The following ZNF91 variants were observed in gnomAD, a reference collection of about 807,000 sequenced individuals.
The protein encoded by ZNF91 is zinc finger protein 91 (HPF7, HTF10).
A neutral mutation model predicts 12.6 loss-of-function variants in ZNF91; 7 were observed. The ratio of observed to expected loss-of-function variants is 0.55; its 90% CI spans 0.31 to 1.04. The LOEUF is 1.04. ZNF91 is among the 50% of genes least tolerant of loss of function. The probability of loss-of-function intolerance (pLI) is 0.05; values close to 1 mark genes in which losing one functional copy is unlikely to be tolerated. For missense variants in ZNF91, 1,217 were observed against 1,385.4 expected, an observed-to-expected ratio of 0.88 and a Z score of 1.93; for synonymous variants, 453 against 462.6, an observed-to-expected ratio of 0.98 and a Z score of 0.27.
chr19:23,358,853 T>C lies in ZNF91; in HGVS notation c.*550A>G. 1 of 171,440 alleles carries C rather than the reference T, an allele frequency of 5.8e-6. No homozygotes were observed. The allele number at this position is 171,440 out of a possible 1,614,324, so 10.6% of individuals were successfully genotyped here. A position where few individuals can be genotyped will look rare whatever the true frequency, so the allele number is the denominator to read the frequency against. Reference sequence around the variant, plus strand: ...GACTTGTCAAAAGCGTTGGCACATCTTTCAGGTTTGTAGAGTTTCTCTCCA... The same window carrying C: ...GACTTGTCAAAAGCGTTGGCACATCCTTCAGGTTTGTAGAGTTTCTCTCCA... On this transcript the variant is annotated 3_prime_UTR_variant, in exon 4 of 4. Coordinates refer to ENST00000300619, the MANE Select transcript of ZNF91 (RefSeq NM_003430.4).
At chr19:23,338,869 T>C (rs928497367) in exon 4 of ZNF91, 11 of 152,104 alleles carry the variant, frequency 7.2e-5, no homozygotes, top group African/African-American at 2.7e-4. Flanking sequence ...CTGGTGAATA[T>C]GATGAAACCC....
At position 23,361,456 on chromosome 19, in the gene ZNF91, T is replaced by C. The variant is rs999731780; in HGVS notation, c.1523A>G (p.His508Arg). 3 of 1,613,476 alleles carry C rather than the reference T, an allele frequency of 1.9e-6. No homozygotes were observed. The highest frequency in any genetic ancestry group is 2.2e-5 in the East Asian group (1 of 44,828). ...AFRQSSTLTKHKIIHTGEKPY... is the reference protein window; with the variant it reads ...AFRQSSTLTKRKIIHTGEKPY... ...TTTCTCTCCAGTATGAATTATCTTA[T>C]GTTTAGTAAGGGTTGAGGATTGCCT... Residue 508 changes from histidine (H) to arginine (R), a missense_variant, in exon 4 of 4, where the codon CAT becomes CGT. By Grantham distance (29) the His-to-Arg change is conservative. Around this residue, in one of 2 missense-constraint regions of ZNF91, gnomAD observed 726 missense variants for 895.5 expected, o/e 0.81. Coordinates refer to ENST00000300619, the MANE Select transcript of ZNF91 (RefSeq NM_003430.4).
At chr19:23,369,706 C>A (rs959435611) in intron 3 of ZNF91, among the ~76,000 whole-genome samples, 2 of 151,750 alleles carry the variant, frequency 1.3e-5, no homozygotes, top group Non-Finnish European at 2.9e-5. Context: ...TGACCTTACC[C>A]CCAACCCTGT....
chr19:23,384,763 C>CA (rs1179325108), intron 1 of ZNF91: 7 of 636,342 alleles, frequency 1.1e-5, no homozygotes, highest in African/African-American at 9.1e-5. Flanking sequence ...GGGTCAGCTC[C>CA]CCGGGCATAG....
intron 3 of ZNF91, among the ~76,000 whole-genome samples, chr19:23,342,783 T>G (rs1968151352): frequency 6.6e-6 from 1 of 152,008 alleles, no homozygotes; most frequent in Middle Eastern, 3.4e-3. Flanking sequence ...AGACCAGGTT[T>G]CTATAGTTCT....
intron 3 of ZNF91, among the ~76,000 whole-genome samples, chr19:23,367,816 A>C (rs935536485): frequency 2.8e-4 from 42 of 152,222 alleles, no homozygotes; most frequent in Admixed American, 2.6e-3. Context: ...TTAGAAACTG[A>C]ATATCCATTC....
intron 1 of ZNF91, among the ~76,000 whole-genome samples, chr19:23,316,312 T>C (rs1309531491): frequency 6.6e-6 from 1 of 152,170 alleles, no homozygotes; most frequent in Admixed American, 6.5e-5. Flanking sequence ...ACCTAAGAGA[T>C]GTGGCTGTCT....
intron 1 of ZNF91, among the ~76,000 whole-genome samples, chr19:23,388,866 C>A (rs35477544): frequency 1.3e-5 from 2 of 151,590 alleles, no homozygotes; most frequent in Non-Finnish European, 2.9e-5. Context: ...AGAGTGAAAC[C>A]ATCTTTTAAA....
At position 23,359,037 on chromosome 19, in the gene ZNF91, T is replaced by C. The variant is rs533978001; in HGVS notation, c.*366A>G. 22 of 531,102 alleles carry C rather than the reference T, an allele frequency of 4.1e-5. No individual in the cohort carries two copies. Among genetic ancestry groups the C allele is most frequent in the African/African-American group, 2.3e-4 (12 of 51,854 alleles). 32.9% of individuals were successfully genotyped at this position (531,102 alleles called of 1,614,324 possible). A position where few individuals can be genotyped will look rare whatever the true frequency, so the allele number is the denominator to read the frequency against. On this transcript the variant is annotated 3_prime_UTR_variant, in exon 4 of 4. Transcript: ENST00000300619. Reference sequence around the variant, plus strand: ...TGCCAAATTTTTCCTGTTTGTAGGGTTGCTGTCCAGTATGAATTTTCTTAT... The same window carrying C: ...TGCCAAATTTTTCCTGTTTGTAGGGCTGCTGTCCAGTATGAATTTTCTTAT...
intron 3 of ZNF91, among the ~76,000 whole-genome samples, chr19:23,367,125 C>T (rs1453756656): frequency 1.3e-5 from 2 of 152,136 alleles, no homozygotes; most frequent in African/African-American, 4.8e-5. Context: ...AGACCCTATC[C>T]CTACAAAATA....
intron 1 of ZNF91, among the ~76,000 whole-genome samples, chr19:23,391,494 G>GA (rs58534200): frequency 6.6e-6 from 1 of 151,680 alleles, no homozygotes; most frequent in Non-Finnish European, 1.5e-5. Flanking sequence ...TTTTCCCTAG[G>GA]AAAAAAAGCC....
At chr19:23,386,028 C>A (rs1969859682) in intron 1 of ZNF91, among the ~76,000 whole-genome samples, 1 of 152,040 alleles carries the variant, frequency 6.6e-6, no homozygotes, top group Non-Finnish European at 1.5e-5. Flanking sequence ...TCAACAACAT[C>A]CAAGCCAAAT....
At chr19:23,309,397 TG>T (rs1188603543) in intron 1 of ZNF91, among the ~76,000 whole-genome samples, 12 of 152,190 alleles carry the variant, frequency 7.9e-5, no homozygotes, top group Admixed American at 6.5e-4. Context: ...CTTTCATGCC[TG>T]GGTATTACCC....
intron 1 of ZNF91, among the ~76,000 whole-genome samples, chr19:23,375,139 T>C (rs1325052766): frequency 6.6e-6 from 1 of 152,232 alleles, no homozygotes; most frequent in Non-Finnish European, 1.5e-5. Flanking sequence ...AATAGACACG[T>C]TGAGTTAGAA....
At chr19:23,319,478 C>T (rs1266807726) in intron 1 of ZNF91, among the ~76,000 whole-genome samples, 2 of 152,180 alleles carry the variant, frequency 1.3e-5, no homozygotes, top group Non-Finnish European at 2.9e-5. Flanking sequence ...CTCCCAGGCC[C>T]CAAATATTTG....
chr19:23,395,284 C>A, intron 1 of ZNF91, 41 bp downstream of exon 1: 1 of 1,609,084 alleles, frequency 6.2e-7, no homozygotes, highest in Non-Finnish European at 8.5e-7. Context: ...TTTCAACGAG[C>A]CCCGTTCCCT....
chr19:23,320,211 C>T (rs1270898245), intron 1 of ZNF91, among the ~76,000 whole-genome samples: 2 of 152,152 alleles, frequency 1.3e-5, no homozygotes, highest in African/African-American at 4.8e-5. Flanking sequence ...CTAAACCCAG[C>T]TCATAGGCAC....
downstream of ZNF91, among the ~76,000 whole-genome samples, chr19:23,353,638 A>C (rs1968419164): frequency 7.3e-6 from 1 of 137,430 alleles, no homozygotes; most frequent in Non-Finnish European, 1.6e-5. Context: ...CAAACAAAAA[A>C]ATACAAAAGT....
intron 3 of ZNF91, among the ~76,000 whole-genome samples, chr19:23,347,229 T>C (rs1968253952): frequency 1.3e-5 from 2 of 152,122 alleles, no homozygotes; most frequent in South Asian, 4.1e-4. Context: ...CAGATCAACA[T>C]ATATTTAAAT....
Sources: gnomAD v4.1 joint callset for allele counts (sites outside exome capture counted in the v4.1 genomes callset) on GRCh38, gnomAD v4.1.1 for gene constraint, gnomAD v4.1.1 regional missense constraint, MANE v1.5 for transcripts, NCBI Gene and HGNC (gene_info 2026-07-23, HGNC 2026-07-21) for gene names.